TBC1D22A: variants seen among roughly 807,000 people sequenced by gnomAD.
TBC1D22A encodes TBC1 domain family member 22A, also known as putative GTPase activator.
In TBC1D22A, 38 loss-of-function variants were observed where a neutral mutation model predicts 60.2. That is an observed-to-expected ratio of 0.63 (90% CI 0.49 to 0.83). TBC1D22A has a LOEUF of 0.83. Ranked by LOEUF, TBC1D22A falls within the 40% of genes least tolerant of loss-of-function variation. TBC1D22A has a pLI of 0.00. For synonymous variants in TBC1D22A, 302 were observed against 281.7 expected (o/e 1.07, Z -0.72); for missense variants, 628 against 701.0 (o/e 0.90, Z 1.18).
At chr22:47,153,644 A>G (rs754019674) in intron 12 of TBC1D22A, among the ~76,000 whole-genome samples, 2 of 152,122 alleles carry the variant, frequency 1.3e-5, no homozygotes, top group African/African-American at 2.4e-5. Flanking sequence ...CCCAGGAGTG[A>G]GCCGGGAAGC....
At chr22:46,949,823 AGTG>A (rs1363487509) in intron 8 of TBC1D22A, among the ~76,000 whole-genome samples, 2 of 152,180 alleles carry the variant, frequency 1.3e-5, no homozygotes, top group Non-Finnish European at 2.9e-5. Flanking sequence ...CAGTGACGGG[AGTG>A]GTGAGCACCA....
At chr22:46,897,367 G>T (rs778793799) in intron 7 of TBC1D22A, among the ~76,000 whole-genome samples, 2 of 152,120 alleles carry the variant, frequency 1.3e-5, no homozygotes, top group Non-Finnish European at 2.9e-5. Flanking sequence ...TGCAGAAAGC[G>T]ACCAATGAGA....
chr22:47,065,667 C>T (rs1427662693), intron 11 of TBC1D22A, among the ~76,000 whole-genome samples: 6 of 152,268 alleles, frequency 3.9e-5, no homozygotes, highest in Non-Finnish European at 8.8e-5. Context: ...GGGAGACCTG[C>T]GTGAGTCACA....
At chr22:47,005,225 A>C (rs1476582334) in intron 10 of TBC1D22A, among the ~76,000 whole-genome samples, 1 of 151,588 alleles carries the variant, frequency 6.6e-6, no homozygotes, top group African/African-American at 2.4e-5. Context: ...ATATATACAC[A>C]CATGCCTATA....
At chr22:46,946,360 G>A (rs1309724908) in intron 8 of TBC1D22A, among the ~76,000 whole-genome samples, 1 of 152,228 alleles carries the variant, frequency 6.6e-6, no homozygotes, top group East Asian at 1.9e-4. Flanking sequence ...CAGGAGAAAG[G>A]TGCCCCTGAC....
chr22:47,169,972 G>A (rs549373348), intron 12 of TBC1D22A, among the ~76,000 whole-genome samples: 49 of 152,214 alleles, frequency 3.2e-4, no homozygotes, highest in Non-Finnish European at 5.6e-4. Context: ...GGATGGCTTC[G>A]CCCGTGGTGG....
At chr22:46,810,777 A>T (rs2085346145) in intron 4 of TBC1D22A, among the ~76,000 whole-genome samples, 1 of 152,174 alleles carries the variant, frequency 6.6e-6, no homozygotes, top group South Asian at 2.1e-4. Context: ...TTATTCTTAG[A>T]ATCAAATGAA....
intron 4 of TBC1D22A, among the ~76,000 whole-genome samples, chr22:46,831,131 T>C (rs903925029): frequency 2.6e-5 from 4 of 152,130 alleles, no homozygotes; most frequent in Non-Finnish European, 4.4e-5. Context: ...AATGGAGGTG[T>C]TGGTGGACGA....
At chr22:46,803,342 G>A (rs2084981152) in intron 4 of TBC1D22A, among the ~76,000 whole-genome samples, 1 of 152,312 alleles carries the variant, frequency 6.6e-6, no homozygotes, top group Non-Finnish European at 1.5e-5. Flanking sequence ...CAGGTCACAC[G>A]TTTCTGGTTA....
chr22:47,124,640 G>A (rs73889407), intron 12 of TBC1D22A, among the ~76,000 whole-genome samples: 2,250 of 152,358 alleles, frequency 0.015, 61 homozygotes, highest in African/African-American at 0.051. Context: ...AGGTGGCACC[G>A]AGGGGCATGG....
intron 12 of TBC1D22A, among the ~76,000 whole-genome samples, chr22:47,128,081 TCATCCTCCCTCCACCCCACACATCCCC>T (rs2066538278): frequency 4.5e-4 from 3 of 6,648 alleles, no homozygotes; most frequent in Admixed American, 1.6e-3. Context: ...CACCCATCCC[TCATCCTCCCTCCACCCCACACATCCCC>T]CATCCTCCCT....
chr22:46,880,564 C>T (rs546808147), intron 5 of TBC1D22A, among the ~76,000 whole-genome samples: 49 of 152,308 alleles, frequency 3.2e-4, no homozygotes, highest in African/African-American at 1.1e-3. Flanking sequence ...ATGAATTAGA[C>T]ACTAGCCTGC....
At chr22:46,949,523 T>A (rs1178624422) in intron 8 of TBC1D22A, among the ~76,000 whole-genome samples, 1 of 152,164 alleles carries the variant, frequency 6.6e-6, no homozygotes, top group African/African-American at 2.4e-5. Flanking sequence ...CCCATGTAGA[T>A]CTGGGGTATG....
intron 12 of TBC1D22A, among the ~76,000 whole-genome samples, chr22:47,143,755 C>T (rs1421185148): frequency 6.6e-6 from 1 of 152,210 alleles, no homozygotes; most frequent in Non-Finnish European, 1.5e-5. Flanking sequence ...TGTTGATGCT[C>T]CAAGGTCCTG....
intron 4 of TBC1D22A, among the ~76,000 whole-genome samples, chr22:46,810,091 C>A (rs2085316937): frequency 6.6e-6 from 1 of 152,164 alleles, no homozygotes; most frequent in African/African-American, 2.4e-5. Context: ...TCAGCTCACG[C>A]ATACAGAAGT....
intron 8 of TBC1D22A, among the ~76,000 whole-genome samples, chr22:46,931,925 T>C (rs1249317852): frequency 6.6e-6 from 1 of 152,256 alleles, no homozygotes. Flanking sequence ...AGGAGATCCT[T>C]GTGGTATATT....
At chr22:46,927,436 A>G (rs558232742) in intron 8 of TBC1D22A, among the ~76,000 whole-genome samples, 1 of 152,360 alleles carries the variant, frequency 6.6e-6, no homozygotes, top group Admixed American at 6.5e-5. Context: ...CAAACTAGGA[A>G]TAGAAGAGAA....
At chr22:46,880,550 G>A (rs1365383735) in intron 5 of TBC1D22A, among the ~76,000 whole-genome samples, 4 of 152,166 alleles carry the variant, frequency 2.6e-5, no homozygotes, top group Non-Finnish European at 4.4e-5. Context: ...CTTGGGAGAC[G>A]GAGATGAATT....
Position 46,943,043 on chromosome 22 carries a change from G to T in TBC1D22A, c.1015+30855G>T, listed in dbSNP as rs8139894. On this transcript the variant is annotated intron_variant, in intron 8 of 12. Transcript: ENST00000337137. ...CGGGAAATGAGCTGGAGGACCCGTG[G>T]CAGCAGGAAAATGGCGTTGAACAGG... Among the ~76,000 whole-genome samples, 897 of 152,302 alleles carry T rather than the reference G, an allele frequency of 5.9e-3. 12 individuals carry two copies. Among genetic ancestry groups the T allele is most frequent in the African/African-American group, 0.021 (856 of 41,564 alleles).
Sources: gnomAD v4.1 joint callset for allele counts (sites outside exome capture counted in the v4.1 genomes callset) on GRCh38, gnomAD v4.1.1 for gene constraint, MANE v1.5 for transcripts, NCBI Gene and HGNC (gene_info 2026-07-23, HGNC 2026-07-21) for gene names.